The following ATG4C variants were observed in gnomAD, a reference collection of about 807,000 sequenced individuals.
The protein encoded by ATG4C is cysteine protease ATG4C.
ATG4C carries 56 observed loss-of-function variants against 57.6 expected under a neutral mutation model. That is an observed-to-expected ratio of 0.97 (90% CI 0.78 to 1.21). The LOEUF is 1.21. Among genes scored for constraint, ATG4C ranks in the 50% most tolerant of loss-of-function variants. The pLI is 0.00. For synonymous variants in ATG4C, 157 were observed against 174.1 expected (o/e 0.90, Z 0.78); for missense variants, 595 against 529.8 (o/e 1.12, Z -1.21).
At chr1:62,840,561 T>G (rs6695607) in intron 9 of ATG4C, among the ~76,000 whole-genome samples, 69,287 of 152,022 alleles carry the variant, frequency 0.46, 15,925 homozygotes, top group East Asian at 0.67. Context: ...ATTTAAGCAT[T>G]AAAAAAATTT....
chr1:62,814,334 C>T (rs1476412322), intron 3 of ATG4C, among the ~76,000 whole-genome samples: 3 of 152,132 alleles, frequency 2.0e-5, no homozygotes, highest in Non-Finnish European at 2.9e-5. Flanking sequence ...TCTCAGCAGA[C>T]TAACACAGGA....
chr1:62,819,737 A>G (rs1011025722), intron 5 of ATG4C, among the ~76,000 whole-genome samples: 2 of 151,960 alleles, frequency 1.3e-5, no homozygotes, highest in Non-Finnish European at 2.9e-5. Context: ...GCTAAAATTG[A>G]TATTTTCGGC....
chr1:62,842,549 G>A (rs1379224605), intron 10 of ATG4C, among the ~76,000 whole-genome samples: 1 of 151,856 alleles, frequency 6.6e-6, no homozygotes, highest in Non-Finnish European at 1.5e-5. Context: ...TTCTTCACTG[G>A]AACTTATATA....
intron 10 of ATG4C, among the ~76,000 whole-genome samples, chr1:62,854,570 TC>T (rs1167705979): frequency 1.3e-5 from 2 of 152,052 alleles, no homozygotes; most frequent in African/African-American, 4.8e-5. Flanking sequence ...AGCCACCACG[TC>T]CAGCTGTTTT....
chr1:62,796,076 C>CAAA (rs1557958160), intron 1 of ATG4C, among the ~76,000 whole-genome samples: 6 of 151,906 alleles, frequency 3.9e-5, no homozygotes, highest in Non-Finnish European at 7.4e-5. Flanking sequence ...ACAGAGAAGA[C>CAAA]ATCCTATTAC....
In ATG4C at chr1:62,816,624, C is replaced by G; in HGVS notation, c.210C>G (p.His70Gln). Residue 70 changes from histidine (H) to glutamine (Q), a missense_variant, in exon 4 of 11, where the codon CAC becomes CAG. Coordinates refer to ENST00000317868, the MANE Select transcript of ATG4C (RefSeq NM_032852.4). The stretch of plus-strand genomic sequence containing the variant: ...AGTCGGGATGTACAATAGAGGATCA[C>G]GTAATTGCAGGAAATGTAGAAGAAT... ...PAESGCTIEDHVIAGNVEEFR... is the reference protein window; with the variant it reads ...PAESGCTIEDQVIAGNVEEFR... 6.2e-7 allele frequency: 1 copy of G among 1,613,548 alleles called. No individual in the cohort carries two copies. The highest frequency in any genetic ancestry group is 1.1e-5 in the South Asian group (1 of 91,054).
intron 4 of ATG4C, among the ~76,000 whole-genome samples, chr1:62,817,588 GCT>G (rs1171122022): frequency 6.6e-6 from 1 of 152,082 alleles, no homozygotes; most frequent in African/African-American, 2.4e-5. Context: ...CTCAAGTGAT[GCT>G]CCCACCTTGT....
chr1:62,829,202 T>C (rs1415221645), intron 7 of ATG4C, 26 bp downstream of exon 7: 1 of 1,609,976 alleles, frequency 6.2e-7, no homozygotes, highest in African/African-American at 1.3e-5. Context: ...TGAACTTTTT[T>C]AGGGCAATAC....
intron 1 of ATG4C, 127 bp from the exon 2 acceptor site, chr1:62,803,592 A>G: frequency 2.7e-6 from 1 of 364,060 alleles, no homozygotes; most frequent in Non-Finnish European, 5.1e-6. Context: ...TTCTGAGTAT[A>G]AAAAGAGAAA....
At chr1:62,785,125 G>C (rs370981981) in intron 1 of ATG4C, 2 of 152,256 alleles carry the variant, frequency 1.3e-5, no homozygotes, top group South Asian at 2.1e-4. Flanking sequence ...ATATGTCCCC[G>C]GTGGGTTTTT....
At chr1:62,789,839 T>C (rs74441161) in intron 1 of ATG4C, among the ~76,000 whole-genome samples, 8,732 of 151,592 alleles carry the variant, frequency 0.058, 882 homozygotes, top group African/African-American at 0.2. Context: ...ATAAAAGAAA[T>C]GAAGATCTGG....
rs71045857 is a variant in ATG4C, at chr1:62,842,301, A to AT, written c.1209+771dup. Among the ~76,000 whole-genome samples, 413 of 139,538 alleles carry AT rather than the reference A, an allele frequency of 3.0e-3. 2 individuals are homozygous for AT. Among genetic ancestry groups the AT allele is most frequent in the African/African-American group, 5.1e-3 (193 of 37,668 alleles). 91.5% of individuals were successfully genotyped at this position (139,538 alleles called of 152,430 possible). ...AGACCAATACTCGTCATTTTTGGGA[A>AT]TTTTTTTTTTTTTTTTTGAGACTAG... On this transcript the variant is annotated intron_variant, in intron 10 of 10. Transcript: ENST00000317868.
intron 4 of ATG4C, 24 bp downstream of exon 4, chr1:62,816,832 T>G: frequency 6.9e-7 from 1 of 1,441,556 alleles, no homozygotes; most frequent in Non-Finnish European, 9.2e-7. Context: ...CTGTTTTTGT[T>G]TTGTTTTGTT....
At chr1:62,803,130 A>G (rs1664737851) in intron 1 of ATG4C, among the ~76,000 whole-genome samples, 1 of 152,242 alleles carries the variant, frequency 6.6e-6, no homozygotes, top group Admixed American at 6.5e-5. Flanking sequence ...TTTTAAAGTA[A>G]GAACATTTTC....
chr1:62,848,860 A>C (rs766029693), intron 10 of ATG4C, among the ~76,000 whole-genome samples: 1 of 152,334 alleles, frequency 6.6e-6, no homozygotes, highest in African/African-American at 2.4e-5. Flanking sequence ...ATCTTCTTTA[A>C]TCTAGAACAG....
chr1:62,820,112 A>G (rs1665433378), intron 5 of ATG4C, among the ~76,000 whole-genome samples: 1 of 152,112 alleles, frequency 6.6e-6, no homozygotes, highest in African/African-American at 2.4e-5. Flanking sequence ...AGATGCTTAC[A>G]ATTGAAAAGT....
rs529541792 is a variant in ATG4C at position 62,816,317 on chromosome 1, CAA to C, written c.161-257_161-256del. 1.9e-4 allele frequency among the ~76,000 whole-genome samples: 29 copies of C among 152,048 alleles called. No individual in the cohort carries two copies. The East Asian group carries it at 5.0e-3, about 26-fold the overall frequency. The stretch of plus-strand genomic sequence containing the variant: ...GAATATAGGATATTATTATTAATAA[CAA>C]GAGTATTGTTGATAATACCTTATAT... On this transcript the variant is annotated intron_variant, in intron 3 of 10. Transcript: ENST00000317868.
chr1:62,812,030 G>T (rs539673534), intron 3 of ATG4C, among the ~76,000 whole-genome samples: 1 of 152,050 alleles, frequency 6.6e-6, no homozygotes, highest in Non-Finnish European at 1.5e-5. Context: ...TAAACATTTA[G>T]AATTATTTAT....
intron 3 of ATG4C, among the ~76,000 whole-genome samples, chr1:62,809,918 G>A (rs1056451615): frequency 6.6e-6 from 1 of 152,116 alleles, no homozygotes; most frequent in Non-Finnish European, 1.5e-5. Context: ...ATGATATCAA[G>A]TGTTAGCAAG....
Sources: allele counts gnomAD v4.1 joint callset (sites outside exome capture counted in the v4.1 genomes callset), GRCh38; gene constraint gnomAD v4.1.1; transcripts MANE v1.5; gene names NCBI Gene and HGNC (gene_info 2026-07-23, HGNC 2026-07-21).